Variants in KHDRBS2 observed in about 807,000 individuals in gnomAD.
The protein encoded by KHDRBS2 is KH domain-containing, RNA-binding, signal transduction-associated protein 2.
In KHDRBS2, 26 loss-of-function variants were observed where a neutral mutation model predicts 44.3. The ratio of observed to expected loss-of-function variants is 0.59; its 90% CI spans 0.43 to 0.81. The LOEUF (loss-of-function observed/expected upper bound fraction) is 0.81. Ranked by LOEUF, KHDRBS2 falls within the 40% of genes least tolerant of loss-of-function variation. The probability of loss-of-function intolerance (pLI) is 0.00; values close to 1 mark genes in which losing one functional copy is unlikely to be tolerated. For missense variants in KHDRBS2, 476 were observed against 433.1 expected (o/e 1.10, Z -0.88); for synonymous variants, 194 against 151.1 (o/e 1.28, Z -2.08).
intron 1 of KHDRBS2, among the ~76,000 whole-genome samples, chr6:62,258,593 T>G (rs530996090): frequency 8.5e-5 from 13 of 152,052 alleles, no homozygotes; most frequent in Non-Finnish European, 1.0e-4. Flanking sequence ...ACATAAACTT[T>G]GTCTCATTCA....
the KHDRBS2 span, among the ~76,000 whole-genome samples, chr6:61,629,719 A>G: frequency 0.19 from 29,240 of 152,128 alleles, 3,323 homozygotes; most frequent in South Asian, 0.33. Context: ...TTGAAAAACT[A>G]TAACGTTATA....
the KHDRBS2 span, among the ~76,000 whole-genome samples, chr6:61,610,283 G>GA: frequency 1.3e-5 from 2 of 152,004 alleles, no homozygotes; most frequent in Admixed American, 6.5e-5. Flanking sequence ...CAATCTAGGG[G>GA]AAAAATCATA....
chr6:61,599,077 G>A, the KHDRBS2 span, among the ~76,000 whole-genome samples: 4 of 151,816 alleles, frequency 2.6e-5, no homozygotes, highest in African/African-American at 4.8e-5. Context: ...GGCATTACAG[G>A]TGCCTGCCAC....
At chr6:61,934,049 T>C (rs1030226599) in intron 4 of KHDRBS2, among the ~76,000 whole-genome samples, 49 of 152,288 alleles carry the variant, frequency 3.2e-4, no homozygotes, top group South Asian at 2.9e-3. Context: ...ATTAGTGATG[T>C]TGAACCTTTC....
chr6:61,888,237 G>A (rs1801261832), intron 6 of KHDRBS2, among the ~76,000 whole-genome samples: 1 of 152,156 alleles, frequency 6.6e-6, no homozygotes, highest in African/African-American at 2.4e-5. Flanking sequence ...TGGCTGATGA[G>A]TGGTAGATCC....
chr6:62,268,608 G>T (rs1839583052), intron 1 of KHDRBS2, among the ~76,000 whole-genome samples: 1 of 151,944 alleles, frequency 6.6e-6, no homozygotes, highest in African/African-American at 2.4e-5. Flanking sequence ...TCTTGAAAAA[G>T]TGTAAAAACC....
intron 8 of KHDRBS2, among the ~76,000 whole-genome samples, chr6:61,686,951 C>T (rs1052592490): frequency 6.1e-4 from 92 of 151,546 alleles, no homozygotes; most frequent in African/African-American, 2.1e-3. Flanking sequence ...GAATGTGGGC[C>T]GCTTCAACTG....
intron 2 of KHDRBS2, among the ~76,000 whole-genome samples, chr6:62,093,617 G>C (rs181995749): frequency 6.6e-6 from 1 of 151,760 alleles, no homozygotes; most frequent in Admixed American, 6.6e-5. Context: ...AATATAGCTT[G>C]GGGCTTGTTG....
the KHDRBS2 span, among the ~76,000 whole-genome samples, chr6:61,594,495 GA>G: frequency 6.6e-6 from 1 of 151,918 alleles, no homozygotes; most frequent in Non-Finnish European, 1.5e-5. Flanking sequence ...AAGTTTTTAG[GA>G]AAAAAAGCAT....
At chr6:62,159,333 A>T (rs2150110755) in intron 2 of KHDRBS2, among the ~76,000 whole-genome samples, 1 of 152,184 alleles carries the variant, frequency 6.6e-6, no homozygotes, top group African/African-American at 2.4e-5. Flanking sequence ...TTATACTTTA[A>T]CTCTCTCTGC....
chr6:61,910,671 C>T (rs1416060025), intron 4 of KHDRBS2, among the ~76,000 whole-genome samples: 3 of 152,042 alleles, frequency 2.0e-5, no homozygotes, highest in Non-Finnish European at 4.4e-5. Flanking sequence ...GGTTTTAAGG[C>T]CTCAGACATT....
chr6:62,204,720 C>T (rs1461929300), intron 1 of KHDRBS2, among the ~76,000 whole-genome samples: 2 of 152,056 alleles, frequency 1.3e-5, no homozygotes, highest in African/African-American at 4.8e-5. Flanking sequence ...AAGATGTTTA[C>T]TGTGGTCTTT....
chr6:61,553,288 A>G, the KHDRBS2 span, among the ~76,000 whole-genome samples: 3 of 152,210 alleles, frequency 2.0e-5, no homozygotes, highest in Non-Finnish European at 2.9e-5. Context: ...ATTTGTGTGT[A>G]TAGAGGTATT....
intron 1 of KHDRBS2, among the ~76,000 whole-genome samples, chr6:62,186,204 A>C (rs1429791803): frequency 6.6e-6 from 1 of 152,044 alleles, no homozygotes; most frequent in Non-Finnish European, 1.5e-5. Flanking sequence ...TAGTTCATTT[A>C]CTTAGTTTAC....
intron 8 of KHDRBS2, among the ~76,000 whole-genome samples, chr6:61,686,092 A>AGTGCG (rs1766787224): frequency 6.6e-6 from 1 of 151,824 alleles, no homozygotes; most frequent in Admixed American, 6.6e-5. Flanking sequence ...TACTGAGTGC[A>AGTGCG]GTCATGATAC....
At chr6:62,244,658 A>T (rs1263196492) in intron 1 of KHDRBS2, among the ~76,000 whole-genome samples, 2 of 152,116 alleles carry the variant, frequency 1.3e-5, no homozygotes, top group Non-Finnish European at 2.9e-5. Flanking sequence ...CATAGTACCA[A>T]TCCAGGGTCC....
At chr6:62,197,795 C>T (rs1826000740) in intron 1 of KHDRBS2, among the ~76,000 whole-genome samples, 1 of 152,114 alleles carries the variant, frequency 6.6e-6, no homozygotes, top group South Asian at 2.1e-4. Context: ...TTCTTTTCAG[C>T]ACCACACCAC....
intron 2 of KHDRBS2, among the ~76,000 whole-genome samples, chr6:62,052,475 G>GTT (rs1789282156): frequency 6.6e-6 from 1 of 151,518 alleles, no homozygotes; most frequent in African/African-American, 2.4e-5. Flanking sequence ...ATAAGGAAAC[G>GTT]TAAGTCAGAG....
At chr6:62,002,451 C>A (rs1778431844) in intron 3 of KHDRBS2, among the ~76,000 whole-genome samples, 1 of 151,552 alleles carries the variant, frequency 6.6e-6, no homozygotes, top group South Asian at 2.1e-4. Flanking sequence ...TCTTTTCTAT[C>A]ATTTTTGCTA....
Sources: gnomAD v4.1 joint callset for allele counts (sites outside exome capture counted in the v4.1 genomes callset) on GRCh38, gnomAD v4.1.1 for gene constraint, MANE v1.5 for transcripts, NCBI Gene and HGNC (gene_info 2026-07-23, HGNC 2026-07-21) for gene names.